PCSK5: variants seen among roughly 807,000 people sequenced by gnomAD.
PCSK5 encodes prohormone convertase 5.
Under a neutral mutation model 233.2 loss-of-function variants are expected in PCSK5, and 129 were observed. That is an observed-to-expected ratio of 0.55 (90% confidence interval 0.48 to 0.64). The LOEUF (loss-of-function observed/expected upper bound fraction) is 0.64, where lower values mean the gene tolerates loss of function less well. Among genes scored for constraint, PCSK5 ranks in the 30% least tolerant of loss-of-function variants. The pLI, the probability that PCSK5 is intolerant of heterozygous loss-of-function variation, is 0.00. For missense variants in PCSK5, 2,076 were observed against 2,430.1 expected, an observed-to-expected ratio of 0.85 and a Z score of 3.06; for synonymous variants, 825 against 879.2, an observed-to-expected ratio of 0.94 and a Z score of 1.09.
intron 1 of PCSK5, among the ~76,000 whole-genome samples, chr9:75,922,593 G>C (rs1823303081): frequency 6.6e-6 from 1 of 152,188 alleles, no homozygotes; most frequent in Non-Finnish European, 1.5e-5. Flanking sequence ...GTAGTCAGTG[G>C]ACCTAGGCTA....
intron 2 of PCSK5, among the ~76,000 whole-genome samples, chr9:75,952,178 T>C (rs527583799): frequency 1.8e-4 from 28 of 152,346 alleles, no homozygotes; most frequent in African/African-American, 5.8e-4. Flanking sequence ...TCCCCCTAAA[T>C]ACTTCAGCAT....
At chr9:76,113,673 AAGGG>A (rs1169847508) in intron 9 of PCSK5, among the ~76,000 whole-genome samples, 2 of 152,164 alleles carry the variant, frequency 1.3e-5, no homozygotes, top group Non-Finnish European at 1.5e-5. Context: ...GAGCACTGTT[AAGGG>A]AGGCCACATA....
intron 14 of PCSK5, among the ~76,000 whole-genome samples, chr9:76,177,225 C>G (rs995216944): frequency 6.6e-6 from 1 of 151,550 alleles, no homozygotes; most frequent in Non-Finnish European, 1.5e-5. Context: ...ACTCAGGAGG[C>G]GGAGGTTGTA....
intron 5 of PCSK5, among the ~76,000 whole-genome samples, chr9:76,053,456 C>T (rs1170199324): frequency 2.0e-5 from 3 of 152,184 alleles, no homozygotes; most frequent in Admixed American, 6.5e-5. Context: ...TCTATTGCTT[C>T]GTTAGGCTGC....
intron 12 of PCSK5, among the ~76,000 whole-genome samples, chr9:76,168,945 A>G (rs746834845): frequency 9.2e-5 from 14 of 152,314 alleles, no homozygotes; most frequent in Non-Finnish European, 1.9e-4. Context: ...TATTGTATAA[A>G]TTGAATCATG....
intron 25 of PCSK5, 37 bp from the exon 26 acceptor site, chr9:76,295,238 C>G: frequency 6.3e-7 from 1 of 1,577,662 alleles, no homozygotes; most frequent in Non-Finnish European, 8.7e-7. Context: ...AATACATCAA[C>G]ATAAGTCATG....
intron 23 of PCSK5, among the ~76,000 whole-genome samples, chr9:76,239,931 G>C (rs193013405): frequency 6.6e-6 from 1 of 152,228 alleles, no homozygotes; most frequent in Admixed American, 6.5e-5. Flanking sequence ...CATCAAGACA[G>C]AGTGGCTTTG....
At chr9:76,195,585 T>C (rs1824657955) in intron 20 of PCSK5, 1 of 152,140 alleles carries the variant, frequency 6.6e-6, no homozygotes, top group African/African-American at 2.4e-5. Context: ...TGTTATATAT[T>C]ATGTATAAAT....
chr9:76,104,079 C>A (rs1831879335), intron 8 of PCSK5, among the ~76,000 whole-genome samples: 1 of 152,094 alleles, frequency 6.6e-6, no homozygotes. Context: ...CCATGTGGTT[C>A]CAGTTTTCAT....
At chr9:76,096,848 G>A (rs897487075) in intron 8 of PCSK5, among the ~76,000 whole-genome samples, 6 of 151,934 alleles carry the variant, frequency 3.9e-5, no homozygotes, top group African/African-American at 1.5e-4. Flanking sequence ...TGATCCTCCC[G>A]CCTCAGCTTC....
intron 35 of PCSK5, among the ~76,000 whole-genome samples, chr9:76,350,122 A>AAAG (rs1029186563): frequency 6.6e-5 from 10 of 151,590 alleles, no homozygotes; most frequent in African/African-American, 2.4e-4. Context: ...AAAAAAAAAA[A>AAAG]AAAGAAAGAA....
chr9:76,038,578 T>C (rs1362917399), intron 5 of PCSK5, among the ~76,000 whole-genome samples: 1 of 152,236 alleles, frequency 6.6e-6, no homozygotes, highest in Non-Finnish European at 1.5e-5. Flanking sequence ...TGTTTTCTTC[T>C]CTTATCCACC....
At chr9:76,213,708 C>T (rs1469063288) in intron 20 of PCSK5, among the ~76,000 whole-genome samples, 2 of 152,170 alleles carry the variant, frequency 1.3e-5, no homozygotes, top group Non-Finnish European at 2.9e-5. Context: ...CTTGATACCC[C>T]TCTAACTGAT....
chr9:76,283,315 C>A (rs565752643), intron 24 of PCSK5, among the ~76,000 whole-genome samples: 1 of 152,220 alleles, frequency 6.6e-6, no homozygotes, highest in South Asian at 2.1e-4. Context: ...ACGTGGTAAA[C>A]TTCATTGTTT....
At chr9:76,115,982 G>A (rs1300389652) in intron 9 of PCSK5, among the ~76,000 whole-genome samples, 1 of 152,030 alleles carries the variant, frequency 6.6e-6, no homozygotes, top group Non-Finnish European at 1.5e-5. Context: ...TTGTTCAGAA[G>A]AGCCTAATTG....
intron 3 of PCSK5, among the ~76,000 whole-genome samples, chr9:76,011,400 A>C (rs918904657): frequency 5.9e-5 from 9 of 152,210 alleles, no homozygotes; most frequent in Admixed American, 1.3e-4. Flanking sequence ...ATTTTATACT[A>C]GTTTGCATCT....
At chr9:76,134,088 T>C in intron 9 of PCSK5, 21 bp from the exon 10 acceptor site, 2 of 1,452,988 alleles carry the variant, frequency 1.4e-6, no homozygotes, top group East Asian at 2.3e-5. Flanking sequence ...GTACAATGAT[T>C]CTTACCTTGT....
chr9:76,032,897 G>GA (rs1261071865), intron 5 of PCSK5, among the ~76,000 whole-genome samples: 1 of 152,138 alleles, frequency 6.6e-6, no homozygotes, highest in East Asian at 1.9e-4. Context: ...TATTTTGAAC[G>GA]AGCGGTATGT....
At chr9:76,173,925 G>C (rs564459383) in intron 13 of PCSK5, among the ~76,000 whole-genome samples, 1 of 151,998 alleles carries the variant, frequency 6.6e-6, no homozygotes, top group African/African-American at 2.4e-5. Flanking sequence ...AGTGAGCCTA[G>C]ATCATGCCAT....
Sources: gnomAD v4.1 joint callset for allele counts (sites outside exome capture counted in the v4.1 genomes callset) on GRCh38, gnomAD v4.1.1 for gene constraint, MANE v1.5 for transcripts, NCBI Gene and HGNC (gene_info 2026-07-23, HGNC 2026-07-21) for gene names.